The following GMPS variants were observed in gnomAD, a reference collection of about 807,000 sequenced individuals.
GMPS encodes the protein guanosine monophosphate synthase.
A neutral mutation model predicts 77.9 loss-of-function variants in GMPS; 15 were observed. The observed-to-expected ratio is 0.19, with a 90% CI of 0.13 to 0.30. The LOEUF is 0.30. Among genes scored for constraint, GMPS ranks in the 10% least tolerant of loss-of-function variants. The pLI is 1.00. For missense variants in GMPS, 590 were observed against 838.8 expected, an observed-to-expected ratio of 0.70 and a Z score of 3.66; for synonymous variants, 224 against 275.9, an observed-to-expected ratio of 0.81 and a Z score of 1.86.
At chr3:155,885,652 T>A (rs565829528) in intron 1 of GMPS, among the ~76,000 whole-genome samples, 5 of 152,274 alleles carry the variant, frequency 3.3e-5, no homozygotes, top group Admixed American at 6.5e-5. Context: ...TATTTTAGAT[T>A]TTGGATTTTG....
At chr3:155,885,593 A>G (rs574398459) in intron 1 of GMPS, among the ~76,000 whole-genome samples, 1 of 152,352 alleles carries the variant, frequency 6.6e-6, no homozygotes, top group Non-Finnish European at 1.5e-5. Context: ...GTTACCTAAA[A>G]TGAACAACTG....
intron 10 of GMPS, among the ~76,000 whole-genome samples, chr3:155,920,485 G>C (rs1166253275): frequency 2.0e-5 from 3 of 148,990 alleles, no homozygotes; most frequent in Non-Finnish European, 4.4e-5. Context: ...TGAGGCAGGA[G>C]AATCGCTTGA....
intron 1 of GMPS, among the ~76,000 whole-genome samples, chr3:155,878,494 T>A (rs1342129679): frequency 6.6e-6 from 1 of 152,192 alleles, no homozygotes; most frequent in Non-Finnish European, 1.5e-5. Context: ...GACAAAAGTT[T>A]TCATGCTCTT....
intron 2 of GMPS, among the ~76,000 whole-genome samples, 187 bp downstream of exon 2, chr3:155,893,886 A>T (rs1023615727): frequency 6.6e-6 from 1 of 152,234 alleles, no homozygotes; most frequent in African/African-American, 2.4e-5. Context: ...AAAAAGATTA[A>T]TTTTAATTGT....
chr3:155,870,348 G>C (rs574914550), upstream of GMPS, among the ~76,000 whole-genome samples: 65 of 148,058 alleles, frequency 4.4e-4, no homozygotes, highest in Non-Finnish European at 7.9e-4. Flanking sequence ...ATTCGGCTTC[G>C]GTTTTTCTCC....
chr3:155,920,590 GAA>G (rs889414615), intron 10 of GMPS, among the ~76,000 whole-genome samples: 2 of 115,242 alleles, frequency 1.7e-5, no homozygotes, highest in African/African-American at 3.3e-5. Flanking sequence ...AAAAAAAAAA[GAA>G]AAAAAAAAAA....
At chr3:155,874,660 AG>A (rs1753986195) in intron 1 of GMPS, among the ~76,000 whole-genome samples, 1 of 152,120 alleles carries the variant, frequency 6.6e-6, no homozygotes, top group Non-Finnish European at 1.5e-5. Flanking sequence ...AAATTCCTCC[AG>A]GAATCTCGGA....
intron 8 of GMPS, among the ~76,000 whole-genome samples, chr3:155,914,775 G>GT (rs1227808934): frequency 2.0e-5 from 3 of 148,364 alleles, no homozygotes; most frequent in Admixed American, 1.3e-4. Flanking sequence ...TTTTTTTTTT[G>GT]TTTTTTTGAG....
Position 155,886,830 on chromosome 3 carries a change from C to T in GMPS, c.28-6688C>T, listed in dbSNP as rs550870075. The stretch of plus-strand genomic sequence containing the variant: ...CTCCTGATGACTTAGCTGGGCTCAC[C>T]TCTGTTTCTTCCCTTGAAGCCTTGG... On this transcript the variant is annotated intron_variant, in intron 1 of 15. Coordinates refer to ENST00000496455, the MANE Select transcript of GMPS (RefSeq NM_003875.3). Among the ~76,000 whole-genome samples the T allele has an allele frequency of 2.0e-5, 3 of 152,070 alleles. No homozygotes were observed. In the East Asian group the frequency reaches 5.8e-4, roughly 30 times the overall value.
chr3:155,932,569 C>G (rs1029064615), intron 13 of GMPS, among the ~76,000 whole-genome samples: 1 of 152,014 alleles, frequency 6.6e-6, no homozygotes, highest in Non-Finnish European at 1.5e-5. Flanking sequence ...ATATATAGTT[C>G]AAAAATTCAC....
intron 5 of GMPS, among the ~76,000 whole-genome samples, chr3:155,910,149 G>A (rs1754999694): frequency 6.6e-6 from 1 of 152,084 alleles, no homozygotes; most frequent in East Asian, 1.9e-4. Flanking sequence ...GGGAGGCTGA[G>A]GCAGAAGAAT....
Position 155,922,270 on chromosome 3 carries a change from ATAG to A in GMPS, c.1406_1408del (p.Val469del), listed in dbSNP as rs1755337425. On this transcript the variant is annotated inframe_deletion, in exon 11 of 16. Transcript: ENST00000496455. ...TCCTGAAACCAACAATATTTTGAAA[ATAG>A]TAGCTGATTTTTCTGCAAGTGTTAA... The A allele has an allele frequency of 2.0e-6, 3 of 1,515,482 alleles. No individual in the cohort carries two copies. The allele number at this position is 1,515,482 out of a possible 1,614,324, so 93.9% of individuals were successfully genotyped here.
At chr3:155,911,317 G>A in intron 7 of GMPS, 38 bp downstream of exon 7, 1 of 1,383,478 alleles carries the variant, frequency 7.2e-7, no homozygotes, top group Non-Finnish European at 9.9e-7. Flanking sequence ...TTACATGTTA[G>A]GACTTGTTTA....
At chr3:155,905,400 A>G (rs1210051664) in intron 4 of GMPS, among the ~76,000 whole-genome samples, 1 of 152,196 alleles carries the variant, frequency 6.6e-6, no homozygotes, top group Non-Finnish European at 1.5e-5. Flanking sequence ...GTCCAGAGAA[A>G]GTGTACACAT....
At chr3:155,912,378 C>G (rs991795599) in intron 7 of GMPS, among the ~76,000 whole-genome samples, 14 of 152,170 alleles carry the variant, frequency 9.2e-5, no homozygotes, top group African/African-American at 3.4e-4. Context: ...CTAGGGGGGT[C>G]TCTCCCAACA....
At chr3:155,873,638 C>CTTTTGTTTTTTTTTTT (rs1753954952) in intron 1 of GMPS, among the ~76,000 whole-genome samples, 1 of 82,576 alleles carries the variant, frequency 1.2e-5, no homozygotes, top group African/African-American at 4.6e-5. Flanking sequence ...TGAGTAAGTT[C>CTTTTGTTTTTTTTTTT]TTTTTTTTTT....
intron 3 of GMPS, among the ~76,000 whole-genome samples, chr3:155,903,595 C>T (rs1377330263): frequency 6.6e-6 from 1 of 152,158 alleles, no homozygotes; most frequent in African/African-American, 2.4e-5. Context: ...CATTAAAGTA[C>T]ACTAAGTGGA....
intron 10 of GMPS, among the ~76,000 whole-genome samples, chr3:155,921,113 C>T (rs1199062929): frequency 6.6e-6 from 1 of 152,058 alleles, no homozygotes; most frequent in African/African-American, 2.4e-5. Flanking sequence ...CATGGTGGTG[C>T]ATGCCTGTAC....
At chr3:155,882,710 A>G (rs141379136) in intron 1 of GMPS, among the ~76,000 whole-genome samples, 1,823 of 152,362 alleles carry the variant, frequency 0.012, 124 homozygotes, top group Admixed American at 0.11. Flanking sequence ...TACTTTGTCA[A>G]CTTGTTATGC....
Sources: gnomAD v4.1 joint callset for allele counts (sites outside exome capture counted in the v4.1 genomes callset) on GRCh38, gnomAD v4.1.1 for gene constraint, MANE v1.5 for transcripts, NCBI Gene and HGNC (gene_info 2026-07-23, HGNC 2026-07-21) for gene names.